The following ROBO2 variants were observed in gnomAD, a reference collection of about 807,000 sequenced individuals.
The protein encoded by ROBO2 is roundabout homolog 2.
ROBO2 carries 53 observed loss-of-function variants against 160.8 expected under a neutral mutation model. The observed-to-expected ratio is 0.33, with a 90% CI of 0.26 to 0.41. The LOEUF (loss-of-function observed/expected upper bound fraction) is 0.41, where lower values mean the gene tolerates loss of function less well. Among genes scored for constraint, ROBO2 ranks in the 10% least tolerant of loss-of-function variants. The pLI is 1.00. For synonymous variants in ROBO2, 664 were observed against 611.7 expected (o/e 1.09, Z -1.26); for missense variants, 1,577 against 1,722.4 (o/e 0.92, Z 1.49).
At chr3:76,489,152 T>TG (rs2079670281) in intron 2 of ROBO2, among the ~76,000 whole-genome samples, 1 of 128,980 alleles carries the variant, frequency 7.8e-6, no homozygotes, top group Non-Finnish European at 1.6e-5. Flanking sequence ...CTTCTTTTTT[T>TG]TGTTTTTTTT....
chr3:76,934,899 C>T (rs1452780622), intron 2 of ROBO2, among the ~76,000 whole-genome samples: 1 of 151,752 alleles, frequency 6.6e-6, no homozygotes, highest in East Asian at 1.9e-4. Flanking sequence ...GCCCTTTTGG[C>T]TATTACTGTG....
intron 2 of ROBO2, among the ~76,000 whole-genome samples, chr3:76,908,858 T>C (rs1325670728): frequency 6.6e-6 from 1 of 152,214 alleles, no homozygotes; most frequent in Admixed American, 6.5e-5. Context: ...TGGTACATTA[T>C]ATGAAGATAA....
intron 2 of ROBO2, among the ~76,000 whole-genome samples, chr3:75,955,014 C>T (rs989003102): frequency 2.6e-5 from 4 of 151,704 alleles, no homozygotes; most frequent in Non-Finnish European, 2.9e-5. Flanking sequence ...ATGAGAGGGA[C>T]GAATGCGCCT....
At chr3:76,948,907 TA>T (rs1468056864) in intron 2 of ROBO2, among the ~76,000 whole-genome samples, 116 of 21,870 alleles carry the variant, frequency 5.3e-3, no homozygotes, top group African/African-American at 0.011. Flanking sequence ...TATATATATA[TA>T]TTTTTTTTTT....
intron 2 of ROBO2, among the ~76,000 whole-genome samples, chr3:76,143,366 C>G (rs948181979): frequency 6.6e-6 from 1 of 152,070 alleles, no homozygotes; most frequent in East Asian, 1.9e-4. Context: ...CCATCCTTGT[C>G]TGTCACCACT....
At chr3:76,784,133 C>A (rs1025754720) in intron 2 of ROBO2, among the ~76,000 whole-genome samples, 1 of 151,086 alleles carries the variant, frequency 6.6e-6, no homozygotes, top group Non-Finnish European at 1.5e-5. Flanking sequence ...GTCACTGGAG[C>A]TTTATTTTAT....
chr3:77,028,122 C>T (rs1410032340), intron 2 of ROBO2, among the ~76,000 whole-genome samples: 1 of 151,978 alleles, frequency 6.6e-6, no homozygotes, highest in African/African-American at 2.4e-5. Context: ...GGCAAATCAA[C>T]AAGGAATTGC....
intron 2 of ROBO2, among the ~76,000 whole-genome samples, chr3:76,609,916 G>A (rs2087954987): frequency 6.6e-6 from 1 of 152,144 alleles, no homozygotes; most frequent in Non-Finnish European, 1.5e-5. Context: ...GCTTAGAGAT[G>A]TTGAATTTTA....
At chr3:76,272,479 A>T (rs1373170880) in intron 2 of ROBO2, among the ~76,000 whole-genome samples, 1 of 151,462 alleles carries the variant, frequency 6.6e-6, no homozygotes, top group Admixed American at 6.6e-5. Flanking sequence ...CCTGGCTAAC[A>T]TGGTGAAACC....
chr3:76,681,576 T>C (rs1439597270), intron 2 of ROBO2, among the ~76,000 whole-genome samples: 2 of 152,110 alleles, frequency 1.3e-5, no homozygotes, highest in East Asian at 1.9e-4. Flanking sequence ...AGCATTTAAA[T>C]TGCGACCTAA....
intron 2 of ROBO2, among the ~76,000 whole-genome samples, chr3:76,648,191 GA>G (rs2091074888): frequency 6.6e-6 from 1 of 151,814 alleles, no homozygotes; most frequent in Non-Finnish European, 1.5e-5. Flanking sequence ...AAAAATAGTG[GA>G]AAACAAAATA....
intron 8 of ROBO2, among the ~76,000 whole-genome samples, chr3:77,553,231 C>G (rs962995325): frequency 1.3e-5 from 2 of 151,876 alleles, no homozygotes; most frequent in African/African-American, 4.8e-5. Context: ...TTTGATACTA[C>G]TATAATTTTT....
At chr3:76,162,994 A>G (rs895197558) in intron 2 of ROBO2, among the ~76,000 whole-genome samples, 14 of 152,276 alleles carry the variant, frequency 9.2e-5, no homozygotes, top group African/African-American at 2.9e-4. Flanking sequence ...ACTGGGTGAC[A>G]AACTTTTGCC....
chr3:76,690,009 T>C (rs2875406), intron 2 of ROBO2, among the ~76,000 whole-genome samples: 4,036 of 152,200 alleles, frequency 0.027, 174 homozygotes, highest in African/African-American at 0.086. Context: ...ATAGGTGAAA[T>C]ATAAGGTGCC....
chr3:77,336,801 A>G (rs1438493300), intron 2 of ROBO2, among the ~76,000 whole-genome samples: 1 of 152,218 alleles, frequency 6.6e-6, no homozygotes, highest in African/African-American at 2.4e-5. Flanking sequence ...ATTTGCAAAC[A>G]AACACTTGTG....
At chr3:75,936,913 A>G (rs1159342705) in intron 1 of ROBO2, among the ~76,000 whole-genome samples, 3 of 152,040 alleles carry the variant, frequency 2.0e-5, no homozygotes, top group Admixed American at 6.6e-5. Context: ...TGTAATGTCT[A>G]TAATTAATTT....
chr3:76,561,099 T>G (rs1268627631), intron 2 of ROBO2, among the ~76,000 whole-genome samples: 1 of 151,438 alleles, frequency 6.6e-6, no homozygotes, highest in East Asian at 1.9e-4. Context: ...ACTGTTTCCA[T>G]GGAATAGCCT....
At chr3:76,334,214 G>A (rs1208072469) in intron 2 of ROBO2, among the ~76,000 whole-genome samples, 1 of 152,082 alleles carries the variant, frequency 6.6e-6, no homozygotes, top group Non-Finnish European at 1.5e-5. Context: ...ATCATTGCCT[G>A]AAAACTATTT....
chr3:75,933,242 G>A (rs1163630282), intron 1 of ROBO2, among the ~76,000 whole-genome samples: 1 of 152,196 alleles, frequency 6.6e-6, no homozygotes, highest in East Asian at 1.9e-4. Context: ...AATGGGCTCT[G>A]CTGTGTTTTT....
Sources: allele counts gnomAD v4.1 joint callset (sites outside exome capture counted in the v4.1 genomes callset), GRCh38; gene constraint gnomAD v4.1.1; transcripts MANE v1.5; gene names NCBI Gene and HGNC (gene_info 2026-07-23, HGNC 2026-07-21).